PDE1C: variants seen among roughly 807,000 people sequenced by gnomAD.
The protein encoded by PDE1C is dual specificity calcium/calmodulin-dependent 3',5'-cyclic nucleotide phosphodiesterase 1C.
Under a neutral mutation model 93.1 loss-of-function variants are expected in PDE1C, and 62 were observed. The ratio of observed to expected loss-of-function variants is 0.67; its 90% CI spans 0.54 to 0.82. The LOEUF (loss-of-function observed/expected upper bound fraction) is 0.82. Among genes scored for constraint, PDE1C ranks in the 40% least tolerant of loss-of-function variants. The probability of loss-of-function intolerance (pLI) is 0.00; values close to 1 mark genes in which losing one functional copy is unlikely to be tolerated. For synonymous variants in PDE1C, 325 were observed against 310.1 expected, an observed-to-expected ratio of 1.05 and a Z score of -0.50; for missense variants, 742 against 884.6, an observed-to-expected ratio of 0.84 and a Z score of 2.04.
rs75043285 is a variant in PDE1C at position 31,878,064 on chromosome 7, C to T, written c.426-28G>A. The T allele has an allele frequency of 2.2e-3, 3,354 of 1,513,350 alleles. 59 individuals are homozygous for T. The African/African-American group carries it at 0.04, about 18-fold the overall frequency. The allele number at this position is 1,513,350 out of a possible 1,614,324, so 93.7% of individuals were successfully genotyped here. ...GAAAAGCCAAAAGGGAAAAATGCAACATGATATCTTATAAAGTAGGATTTG... is the reference window on the plus strand; with the variant it reads ...GAAAAGCCAAAAGGGAAAAATGCAATATGATATCTTATAAAGTAGGATTTG... On this transcript the variant is annotated intron_variant, in intron 4 of 17. Coordinates refer to ENST00000396191, the MANE Select transcript of PDE1C (RefSeq NM_001191057.4).
Position 31,880,864 on chromosome 7 carries a change from G to GA in PDE1C, c.129-5dup, listed in dbSNP as rs777131978. 2 of 1,537,160 alleles carry GA rather than the reference G, an allele frequency of 1.3e-6. No homozygotes were observed. The highest frequency in any genetic ancestry group is 1.8e-6 in the Non-Finnish European group (2 of 1,112,378). ...TTGTTTGACCAAAGACCGTAATCTA[G>GA]AAAAATAAAAAGACATAATTTCATT... On this transcript the variant is annotated splice_region_variant and splice_polypyrimidine_tract_variant and intron_variant, in intron 2 of 17. Coordinates refer to ENST00000396191, the MANE Select transcript of PDE1C (RefSeq NM_001191057.4).
intron 1 of PDE1C, among the ~76,000 whole-genome samples, chr7:32,255,458 C>T (rs528278443): frequency 1.3e-5 from 2 of 152,288 alleles, no homozygotes; most frequent in African/African-American, 4.8e-5. Flanking sequence ...AATCATGAAA[C>T]ATTAGATGGA....
chr7:31,647,079 C>T, the PDE1C span, among the ~76,000 whole-genome samples: 9 of 152,198 alleles, frequency 5.9e-5, no homozygotes, highest in African/African-American at 1.7e-4. Context: ...CATACATATG[C>T]ACACAGGCGC....
intron 2 of PDE1C, among the ~76,000 whole-genome samples, chr7:32,040,036 C>T (rs1222829074): frequency 6.6e-6 from 1 of 152,116 alleles, no homozygotes; most frequent in Non-Finnish European, 1.5e-5. Flanking sequence ...ATTAAAAGTA[C>T]GTCTAAAAAT....
chr7:32,042,339 A>G (rs1302183264), intron 2 of PDE1C, among the ~76,000 whole-genome samples: 1 of 152,120 alleles, frequency 6.6e-6, no homozygotes, highest in Non-Finnish European at 1.5e-5. Flanking sequence ...AAAAAACTAT[A>G]AAGCCAAAGG....
intron 1 of PDE1C, among the ~76,000 whole-genome samples, chr7:32,374,147 T>A (rs1414021554): frequency 5.7e-4 from 35 of 61,772 alleles, no homozygotes; most frequent in African/African-American, 1.0e-3. Flanking sequence ...GACGAAAGAA[T>A]GAAAGAAAGA....
the PDE1C span, among the ~76,000 whole-genome samples, chr7:31,723,809 G>A: frequency 3.9e-5 from 6 of 152,258 alleles, no homozygotes; most frequent in Middle Eastern, 3.4e-3. Flanking sequence ...GTTAATTCTC[G>A]TCTACAGCAT....
the PDE1C span, among the ~76,000 whole-genome samples, chr7:31,659,448 C>G: frequency 3.9e-5 from 6 of 152,354 alleles, no homozygotes; most frequent in South Asian, 1.2e-3. Context: ...CTGTTCCACA[C>G]AGCCCCAAAC....
At chr7:31,807,531 T>C (rs571673462) in intron 16 of PDE1C, among the ~76,000 whole-genome samples, 1 of 152,122 alleles carries the variant, frequency 6.6e-6, no homozygotes, top group African/African-American at 2.4e-5. Context: ...GACATCATTA[T>C]AGCAGATGTT....
At chr7:32,083,341 T>G (rs1019007675) in intron 3 of PDE1C, among the ~76,000 whole-genome samples, 1 of 151,562 alleles carries the variant, frequency 6.6e-6, no homozygotes, top group Non-Finnish European at 1.5e-5. Flanking sequence ...CCAAGAAATA[T>G]GGGACTATGT....
intron 3 of PDE1C, among the ~76,000 whole-genome samples, chr7:32,132,983 AT>A: frequency 6.6e-6 from 1 of 152,174 alleles, no homozygotes; most frequent in Non-Finnish European, 1.5e-5. Context: ...GATAGGGAAT[AT>A]TAAGAGAGAT....
chr7:31,642,086 T>G, the PDE1C span: 4 of 757,096 alleles, frequency 5.3e-6, no homozygotes, highest in African/African-American at 1.8e-5. Flanking sequence ...GCAGGATCCA[T>G]GGTGTGTCAG....
In PDE1C at chr7:32,395,786, AT is replaced by A. The variant is rs1784830769; in HGVS notation, c.310+32035del. Among the ~76,000 whole-genome samples, 10 of 152,316 alleles carry A rather than the reference AT, an allele frequency of 6.6e-5. No homozygotes were observed. In the South Asian group the frequency reaches 2.1e-3, roughly 32 times the overall value. On this transcript the variant is annotated intron_variant, in intron 1 of 1. Coordinates refer to the PDE1C transcript ENST00000672256. ...AGATATTTGTTAGAGATATAATAAA[AT>A]TTGTTAGAGATATAATAAAAAGCAT...
At chr7:31,835,967 T>C (rs989157258) in intron 11 of PDE1C, among the ~76,000 whole-genome samples, 1 of 152,228 alleles carries the variant, frequency 6.6e-6, no homozygotes, top group Non-Finnish European at 1.5e-5. Context: ...AGAGCCCATC[T>C]CTTGTCAGTT....
At chr7:31,644,683 G>A in the PDE1C span, among the ~76,000 whole-genome samples, 7 of 152,138 alleles carry the variant, frequency 4.6e-5, no homozygotes, top group Admixed American at 2.0e-4. Context: ...ATTGTTTAAT[G>A]AGCCCTTCCA....
chr7:32,103,835 A>G (rs12673924), intron 3 of PDE1C, among the ~76,000 whole-genome samples: 67,733 of 152,052 alleles, frequency 0.45, 15,454 homozygotes, highest in African/African-American at 0.5. Flanking sequence ...ATAAGATAAA[A>G]TATTGCAGAG....
At chr7:32,394,925 TTC>T (rs1176804092) in intron 1 of PDE1C, among the ~76,000 whole-genome samples, 1 of 152,220 alleles carries the variant, frequency 6.6e-6, no homozygotes, top group Non-Finnish European at 1.5e-5. Context: ...CTCCTTGGCC[TTC>T]TGTCATGATT....
chr7:32,338,830 C>T lies in PDE1C; in HGVS notation c.310+88992G>A, dbSNP rs529880626. Among the ~76,000 whole-genome samples the T allele has an allele frequency of 1.8e-4, 28 of 152,116 alleles. No homozygotes were observed. In the South Asian group the frequency reaches 4.6e-3, roughly 25 times the overall value. On this transcript the variant is annotated intron_variant, in intron 1 of 1. Coordinates refer to the PDE1C transcript ENST00000672256. Reference sequence around the variant, plus strand: ...CATCCTGGCTAACACGGTGAAACCCCGTCTCTACTAAAAATACAAAAAATT... The same window carrying T: ...CATCCTGGCTAACACGGTGAAACCCTGTCTCTACTAAAAATACAAAAAATT...
the PDE1C span, among the ~76,000 whole-genome samples, chr7:31,719,858 T>G: frequency 6.6e-6 from 1 of 152,176 alleles, no homozygotes; most frequent in Non-Finnish European, 1.5e-5. Flanking sequence ...GCATCTTGTT[T>G]CTATTGTCAA....
Sources: allele counts gnomAD v4.1 joint callset (sites outside exome capture counted in the v4.1 genomes callset), GRCh38; gene constraint gnomAD v4.1.1; transcripts MANE v1.5; gene names NCBI Gene and HGNC (gene_info 2026-07-23, HGNC 2026-07-21).